The following UBA3 variants were observed in gnomAD, a reference collection of about 807,000 sequenced individuals.
UBA3 encodes the protein NEDD8-activating enzyme E1 catalytic subunit.
Under a neutral mutation model 73.5 loss-of-function variants are expected in UBA3, and 26 were observed. The ratio of observed to expected loss-of-function variants is 0.35; its 90% CI spans 0.26 to 0.49. The LOEUF is 0.49. Ranked by LOEUF, UBA3 falls within the 20% of genes least tolerant of loss-of-function variation. The pLI, the probability that UBA3 is intolerant of heterozygous loss-of-function variation, is 0.98. For synonymous variants in UBA3, 217 were observed against 191.2 expected, an observed-to-expected ratio of 1.13 and a Z score of -1.11; for missense variants, 495 against 555.6, an observed-to-expected ratio of 0.89 and a Z score of 1.10.
chr3:69,055,365 A>T lies in UBA3; in HGVS notation c.*72T>A. 1.0e-6 allele frequency: 1 copy of T among 981,746 alleles called. No individual in the cohort carries two copies. Among genetic ancestry groups the T allele is most frequent in the Non-Finnish European group, 1.4e-6 (1 of 693,560 alleles). The allele number at this position is 981,746 out of a possible 1,614,324, so 60.8% of individuals were successfully genotyped here. A position where few individuals can be genotyped will look rare whatever the true frequency, so the allele number is the denominator to read the frequency against. The stretch of plus-strand genomic sequence containing the variant: ...CGTGGCAACACTATTGCTAAAAATG[A>T]CATCGATTCAACTTCTTAGCATCCA... On this transcript the variant is annotated 3_prime_UTR_variant, in exon 18 of 18. Coordinates refer to ENST00000361055, the MANE Select transcript of UBA3 (RefSeq NM_003968.4).
At position 69,062,989 on chromosome 3, in the gene UBA3, G is replaced by A. The variant is rs1293742339; in HGVS notation, c.686C>T (p.Pro229Leu). The A allele has an allele frequency of 6.2e-7, 1 of 1,613,874 alleles. No individual in the cohort carries two copies. The highest frequency in any genetic ancestry group is 8.5e-7 in the Non-Finnish European group (1 of 1,179,872). Residue 229 changes from proline to leucine, a missense_variant, in exon 9 of 18, where the codon CCA becomes CTA. Transcript: ENST00000361055. ...AGGTGCTTTTTTGATTACCTGTGGT[G>A]GATAAAGTTCCAGCGTGCATTCGAT... ...ACIECTLELYPPQVNFPMCTI... is the reference protein window; with the variant it reads ...ACIECTLELYLPQVNFPMCTI...
rs2091971641 is a variant in UBA3 at position 69,056,171 on chromosome 3, T to A, written c.1184+12A>T. 1 of 1,569,278 alleles carries A rather than the reference T, an allele frequency of 6.4e-7. No individual in the cohort carries two copies. The highest frequency in any genetic ancestry group is 1.4e-5 in the African/African-American group (1 of 72,350). ...TGATTTTTACAACATAACAAAAATC[T>A]ACAATACTTACAGAGAAGCACTATT... On this transcript the variant is annotated intron_variant, in intron 15 of 17. Coordinates refer to ENST00000361055, the MANE Select transcript of UBA3 (RefSeq NM_003968.4).
rs780232634 is a variant in UBA3 at position 69,055,982 on chromosome 3, A to T, written c.1248+18T>A. The T allele has an allele frequency of 1.9e-6, 3 of 1,601,720 alleles. No homozygotes were observed. In the Admixed American group the frequency reaches 5.2e-5, roughly 28 times the overall value. The stretch of plus-strand genomic sequence containing the variant: ...TGATATAATTTTCTGAAAAAAATTT[A>T]AAATACACATTGATAACCTGTAAGT... On this transcript the variant is annotated intron_variant, in intron 16 of 17. Coordinates refer to ENST00000361055, the MANE Select transcript of UBA3 (RefSeq NM_003968.4).
intron 3 of UBA3, among the ~76,000 whole-genome samples, chr3:69,076,764 CTT>C (rs1180574665): frequency 6.9e-6 from 1 of 144,372 alleles, no homozygotes. Context: ...TTTTTTCTTT[CTT>C]TTTTTTTTTA....
chr3:69,071,780 G>A (rs2092124204), intron 4 of UBA3, among the ~76,000 whole-genome samples, 163 bp from the exon 5 acceptor site: 1 of 152,146 alleles, frequency 6.6e-6, no homozygotes, highest in Non-Finnish European at 1.5e-5. Flanking sequence ...AAAATTCAGA[G>A]TTCTTGAACA....
At chr3:69,077,662 ATTTT>A (rs1362551820) in intron 3 of UBA3, 132 bp downstream of exon 3, 1 of 953,616 alleles carries the variant, frequency 1.0e-6, no homozygotes, top group African/African-American at 1.7e-5. Context: ...TCAATCTCAT[ATTTT>A]AAGAAAAATT....
In UBA3 at chr3:69,062,963, C is replaced by A. The variant is rs745659537; in HGVS notation, c.693+19G>T. 3 of 1,612,318 alleles carry A rather than the reference C, an allele frequency of 1.9e-6. No homozygotes were observed. The highest frequency in any genetic ancestry group is 3.3e-5 in the Admixed American group (2 of 59,806). Reference sequence around the variant, plus strand: ...ATGCCAAGATACTATAAAAGAAATGCAGGTGCTTTTTTGATTACCTGTGGT... The same window carrying A: ...ATGCCAAGATACTATAAAAGAAATGAAGGTGCTTTTTTGATTACCTGTGGT... On this transcript the variant is annotated intron_variant, in intron 9 of 17. Transcript: ENST00000361055.
At chr3:69,067,571 G>A (rs1378309156) in intron 6 of UBA3, among the ~76,000 whole-genome samples, 3 of 152,056 alleles carry the variant, frequency 2.0e-5, no homozygotes, top group Non-Finnish European at 4.4e-5. Flanking sequence ...TGTCTACTCT[G>A]TCTGCTACTA....
intron 11 of UBA3, among the ~76,000 whole-genome samples, chr3:69,059,054 T>C (rs2092000041): frequency 6.6e-6 from 1 of 152,254 alleles, no homozygotes; most frequent in Non-Finnish European, 1.5e-5. Context: ...GACACTGTTC[T>C]AGGTGTTGTG....
At chr3:69,063,753 C>A (rs2092043033) in intron 7 of UBA3, among the ~76,000 whole-genome samples, 1 of 151,918 alleles carries the variant, frequency 6.6e-6, no homozygotes, top group Admixed American at 6.6e-5. Context: ...AAAGCACTTG[C>A]AGAAAACAAT....
chr3:69,058,416 G>C (rs1304335558), intron 11 of UBA3, among the ~76,000 whole-genome samples: 1 of 152,112 alleles, frequency 6.6e-6, no homozygotes, highest in Non-Finnish European at 1.5e-5. Context: ...AGTATAGTCA[G>C]GTTTCAAAAA....
At chr3:69,068,173 G>A (rs540512802) in intron 5 of UBA3, among the ~76,000 whole-genome samples, 165 bp from the exon 6 acceptor site, 2 of 152,062 alleles carry the variant, frequency 1.3e-5, no homozygotes, top group African/African-American at 2.4e-5. Context: ...TTTGGTAAAC[G>A]GTCATTTAAC....
At chr3:69,062,737 G>C (rs2092032251) in intron 9 of UBA3, among the ~76,000 whole-genome samples, 1 of 152,062 alleles carries the variant, frequency 6.6e-6, no homozygotes, top group African/African-American at 2.4e-5. Context: ...AATTCTACTT[G>C]ATACCTACTC....
At chr3:69,055,557 A>G (rs1204881194) in intron 17 of UBA3, 32 bp from the exon 18 acceptor site, 1 of 1,481,156 alleles carries the variant, frequency 6.8e-7, no homozygotes, top group African/African-American at 1.4e-5. Context: ...TAATACAAGC[A>G]AAAAAAACTC....
rs368085154 is a variant in UBA3, at chr3:69,055,166, T to C, written c.*271A>G. ...AATAACAAAATTCACACAAAAGAGG[T>C]TGTATGCTTCCTCCTCTAAAAGAAG... On this transcript the variant is annotated 3_prime_UTR_variant, in exon 18 of 18. Coordinates refer to ENST00000361055, the MANE Select transcript of UBA3 (RefSeq NM_003968.4). The C allele has an allele frequency of 2.1e-5, 5 of 243,246 alleles. No individual in the cohort carries two copies. The highest frequency in any genetic ancestry group is 4.5e-5 in the African/African-American group (2 of 44,662). 15.1% of individuals were successfully genotyped at this position (243,246 alleles called of 1,614,324 possible). A position where few individuals can be genotyped will look rare whatever the true frequency, so the allele number is the denominator to read the frequency against.
rs531304720 is a variant in UBA3 at position 69,067,640 on chromosome 3, A to G, written c.428+288T>C. 2.6e-5 allele frequency among the ~76,000 whole-genome samples: 4 copies of G among 152,320 alleles called. No individual in the cohort carries two copies. The East Asian group carries it at 5.8e-4, about 22-fold the overall frequency. ...GAATTTACACTCTAGTAAAGGAGAT[A>G]TGTAATTGATACTGAAATTAAGGGC... On this transcript the variant is annotated intron_variant, in intron 6 of 17. Coordinates refer to ENST00000361055, the MANE Select transcript of UBA3 (RefSeq NM_003968.4).
chr3:69,056,590 A>G, intron 14 of UBA3, 22 bp downstream of exon 14: 1 of 1,568,834 alleles, frequency 6.4e-7, no homozygotes, highest in Non-Finnish European at 8.7e-7. Flanking sequence ...ATGATCAAAA[A>G]TGTGTTCTTA....
chr3:69,068,928 T>C (rs1255426184), intron 5 of UBA3, among the ~76,000 whole-genome samples: 1 of 152,228 alleles, frequency 6.6e-6, no homozygotes, highest in Non-Finnish European at 1.5e-5. Context: ...CAAATGTTAC[T>C]ATTACATCAC....
At chr3:69,055,783 A>G (rs1037939140) in intron 17 of UBA3, 68 bp downstream of exon 17, 2 of 1,452,746 alleles carry the variant, frequency 1.4e-6, no homozygotes, top group African/African-American at 2.8e-5. Context: ...TAGAACAAGC[A>G]CTGATTACTT....
Sources: allele counts gnomAD v4.1 joint callset (sites outside exome capture counted in the v4.1 genomes callset), GRCh38; gene constraint gnomAD v4.1.1; transcripts MANE v1.5; gene names NCBI Gene and HGNC (gene_info 2026-07-23, HGNC 2026-07-21).